RARB: variants seen among roughly 807,000 people sequenced by gnomAD.
RARB encodes HBV-activated protein.
RARB carries 17 observed loss-of-function variants against 51.9 expected under a neutral mutation model. That is an observed-to-expected ratio of 0.33 (90% CI 0.22 to 0.49). RARB has a LOEUF of 0.49. RARB is among the 20% of genes least tolerant of loss of function. RARB has a pLI of 0.99. For missense variants in RARB, 369 were observed against 550.8 expected, an observed-to-expected ratio of 0.67 and a Z score of 3.30; for synonymous variants, 215 against 195.4, an observed-to-expected ratio of 1.10 and a Z score of -0.84.
chr3:24,968,107 A>G (rs1034100057), intron 2 of RARB, among the ~76,000 whole-genome samples: 4 of 151,622 alleles, frequency 2.6e-5, no homozygotes, highest in Non-Finnish European at 5.9e-5. Context: ...AGCATCAGCC[A>G]GTTAAAGTAT....
At chr3:25,013,704 A>T (rs1328690260) in intron 2 of RARB, among the ~76,000 whole-genome samples, 1 of 152,112 alleles carries the variant, frequency 6.6e-6, no homozygotes, top group Non-Finnish European at 1.5e-5. Context: ...TGGTACTGAC[A>T]GAGAAGTGAG....
rs538261468 is a variant in RARB, at chr3:25,113,181, T to A, written c.-327-18980T>A. ...CCTTTGCCCCTTTGTATCTATATTA[T>A]CTGAACTCATGTGGTCTGGTACCAA... On this transcript the variant is annotated intron_variant, in intron 3 of 11. Transcript: ENST00000383772. Among the ~76,000 whole-genome samples the A allele has an allele frequency of 2.0e-3, 305 of 152,342 alleles. 1 individual carries two copies. Among genetic ancestry groups the A allele is most frequent in the African/African-American group, 7.1e-3 (297 of 41,586 alleles).
intron 5 of RARB, among the ~76,000 whole-genome samples, chr3:25,231,833 T>A (rs952182995): frequency 3.9e-5 from 6 of 152,158 alleles, no homozygotes; most frequent in Non-Finnish European, 8.8e-5. Context: ...AGATAAAACT[T>A]GCAACTATTT....
In RARB at chr3:25,472,653, G is replaced by T. The variant is rs375369205; in HGVS notation, c.306+11312G>T. Among the ~76,000 whole-genome samples, 55 of 152,266 alleles carry T rather than the reference G, an allele frequency of 3.6e-4. 1 individual carries two copies. In the South Asian group the frequency reaches 0.011, roughly 31 times the overall value. On this transcript the variant is annotated intron_variant, in intron 2 of 7. Coordinates refer to ENST00000330688, the MANE Select transcript of RARB (RefSeq NM_000965.5). Reference sequence around the variant, plus strand: ...TATAATGTGATTCTGTTACTGAAATGGTTACTGTGAGAACCTCCTTAAATA... The same window carrying T: ...TATAATGTGATTCTGTTACTGAAATTGTTACTGTGAGAACCTCCTTAAATA...
At chr3:25,159,292 C>G (rs989924052) in intron 4 of RARB, among the ~76,000 whole-genome samples, 2 of 150,682 alleles carry the variant, frequency 1.3e-5, no homozygotes, top group Non-Finnish European at 2.9e-5. Flanking sequence ...GCCTCAGCCT[C>G]GTGAGTAGCT....
chr3:25,126,466 A>G (rs1264299583), intron 3 of RARB, among the ~76,000 whole-genome samples: 1 of 151,898 alleles, frequency 6.6e-6, no homozygotes, highest in African/African-American at 2.4e-5. Flanking sequence ...AAGGTCACTA[A>G]TGCTAAACAA....
At chr3:24,912,952 A>T (rs1695020913) in intron 2 of RARB, among the ~76,000 whole-genome samples, 1 of 132,210 alleles carries the variant, frequency 7.6e-6, no homozygotes, top group East Asian at 2.2e-4. Flanking sequence ...CTAAAGTGGC[A>T]ATACGCACAC....
At chr3:24,863,211 C>A (rs774432672) in intron 2 of RARB, among the ~76,000 whole-genome samples, 1 of 152,152 alleles carries the variant, frequency 6.6e-6, no homozygotes, top group Non-Finnish European at 1.5e-5. Context: ...TGAAAAGATC[C>A]GTACTAACAG....
chr3:25,344,285 T>A (rs1293238458), intron 5 of RARB, among the ~76,000 whole-genome samples: 1 of 152,224 alleles, frequency 6.6e-6, no homozygotes, highest in Non-Finnish European at 1.5e-5. Context: ...TTTGTTTTTT[T>A]AAAAAGTTAT....
intron 3 of RARB, among the ~76,000 whole-genome samples, chr3:25,067,929 G>A (rs971132607): frequency 8.6e-5 from 13 of 151,920 alleles, no homozygotes; most frequent in African/African-American, 2.9e-4. Flanking sequence ...TCGAGGTCAG[G>A]AGTTTGAGAC....
At chr3:25,271,570 G>A (rs1703258562) in intron 5 of RARB, among the ~76,000 whole-genome samples, 2 of 152,282 alleles carry the variant, frequency 1.3e-5, no homozygotes, top group South Asian at 4.1e-4. Flanking sequence ...CCATGGAAAG[G>A]TGGTCATTAG....
intron 5 of RARB, among the ~76,000 whole-genome samples, chr3:25,288,971 A>C (rs1367736312): frequency 6.6e-6 from 1 of 152,164 alleles, no homozygotes; most frequent in Non-Finnish European, 1.5e-5. Flanking sequence ...TGGAGACCTT[A>C]ATTTCTGGAA....
chr3:25,096,498 C>T (rs1699294585), intron 3 of RARB, among the ~76,000 whole-genome samples: 1 of 152,126 alleles, frequency 6.6e-6, no homozygotes, highest in African/African-American at 2.4e-5. Flanking sequence ...AAAATATCCC[C>T]CTGTAATTTA....
At chr3:25,324,743 G>A (rs1391686819) in intron 5 of RARB, 1 of 152,428 alleles carries the variant, frequency 6.6e-6, no homozygotes, top group Non-Finnish European at 1.5e-5. Context: ...GACAGGAAGG[G>A]GCTGGAGAAT....
At chr3:25,200,641 G>C (rs1401428922) in intron 5 of RARB, among the ~76,000 whole-genome samples, 1 of 152,108 alleles carries the variant, frequency 6.6e-6, no homozygotes, top group Non-Finnish European at 1.5e-5. Context: ...AAGGGATCCA[G>C]TTTCAGCTTT....
At chr3:25,421,144 T>C (rs988197200) in intron 5 of RARB, among the ~76,000 whole-genome samples, 3 of 152,018 alleles carry the variant, frequency 2.0e-5, no homozygotes, top group African/African-American at 7.2e-5. Context: ...TCCTTTATAG[T>C]ATATATAAAT....
At chr3:24,830,583 G>A (rs551840456) in intron 1 of RARB, among the ~76,000 whole-genome samples, 1 of 151,526 alleles carries the variant, frequency 6.6e-6, no homozygotes, top group East Asian at 2.0e-4. Context: ...AGCAGGCAGA[G>A]GCGAAGTGAT....
intron 5 of RARB, among the ~76,000 whole-genome samples, chr3:25,420,973 G>T (rs1356541050): frequency 3.5e-5 from 5 of 142,586 alleles, no homozygotes; most frequent in African/African-American, 5.3e-5. Context: ...AGGTGCTGAG[G>T]CTCAACACCA....
chr3:25,313,097 G>A (rs185992525), intron 5 of RARB, among the ~76,000 whole-genome samples: 1 of 152,254 alleles, frequency 6.6e-6, no homozygotes, highest in Admixed American at 6.5e-5. Flanking sequence ...TGTAAAATAG[G>A]GATGATGGTG....
Sources: allele counts gnomAD v4.1 joint callset (sites outside exome capture counted in the v4.1 genomes callset), GRCh38; gene constraint gnomAD v4.1.1; transcripts MANE v1.5; gene names NCBI Gene and HGNC (gene_info 2026-07-23, HGNC 2026-07-21).